ANKRD31: variants seen among roughly 807,000 people sequenced by gnomAD.
The protein encoded by ANKRD31 is ankyrin repeat domain-containing protein 31.
In ANKRD31, 147 loss-of-function variants were observed where a neutral mutation model predicts 186.0. That is an observed-to-expected ratio of 0.79 (90% CI 0.69 to 0.91). The LOEUF is 0.91. Ranked by LOEUF, ANKRD31 falls within the 40% of genes least tolerant of loss-of-function variation. ANKRD31 has a pLI of 0.00. For synonymous variants in ANKRD31, 673 were observed against 736.4 expected, an observed-to-expected ratio of 0.91 and a Z score of 1.39; for missense variants, 1,986 against 2,148.8, an observed-to-expected ratio of 0.92 and a Z score of 1.50.
intron 3 of ANKRD31, among the ~76,000 whole-genome samples, chr5:75,221,002 A>G (rs1757267515): frequency 6.6e-6 from 1 of 152,218 alleles, no homozygotes; most frequent in Non-Finnish European, 1.5e-5. Flanking sequence ...ATAAAAAAGA[A>G]TGAGATCATG....
In ANKRD31 at chr5:75,195,987, C is replaced by G. The variant is rs1471067759; in HGVS notation, c.661G>C (p.Val221Leu). ...KDEESSLETF[V>L]SALESLLTSP... ...GTAAGTAAACTTTCTAAGGCAGACA[C>G]AAAGGTTTCAAGAGAGCTTTCTTCA... The change falls in exon 7 of 26, where the codon GTG becomes CTG. Residue 221 changes from valine (V) to leucine (L), a missense_variant. Val to Leu is a conservative substitution (Grantham distance 32, BLOSUM62 1). Transcript: ENST00000506364. 6.5e-7 allele frequency: 1 copy of G among 1,531,600 alleles called. No homozygotes were observed. Among genetic ancestry groups the G allele is most frequent in the Non-Finnish European group, 8.7e-7 (1 of 1,144,614 alleles). 94.9% of individuals were successfully genotyped at this position (1,531,600 alleles called of 1,614,324 possible).
At chr5:75,075,838 C>G (rs1744592187) in intron 25 of ANKRD31, among the ~76,000 whole-genome samples, 2 of 152,092 alleles carry the variant, frequency 1.3e-5, no homozygotes, top group African/African-American at 4.8e-5. Flanking sequence ...GTAAAATGTT[C>G]AATATCATTT....
At chr5:75,177,499 A>C (rs561637914) in intron 10 of ANKRD31, among the ~76,000 whole-genome samples, 13 of 152,282 alleles carry the variant, frequency 8.5e-5, no homozygotes, top group South Asian at 8.3e-4. Flanking sequence ...TCGAGTTACC[A>C]ACAAAGGGAA....
chr5:75,084,189 A>C, intron 24 of ANKRD31, 83 bp downstream of exon 24: 1 of 1,020,712 alleles, frequency 9.8e-7, no homozygotes, highest in Non-Finnish European at 1.4e-6. Context: ...AATGAGAAAA[A>C]AGACAAAATA....
At chr5:75,084,462 G>T in intron 23 of ANKRD31, 88 bp from the exon 24 acceptor site, 1 of 1,048,336 alleles carries the variant, frequency 9.5e-7, no homozygotes, top group Non-Finnish European at 1.4e-6. Flanking sequence ...ATTTTTATAA[G>T]GTTTTGATTG....
intron 1 of ANKRD31, among the ~76,000 whole-genome samples, chr5:75,232,657 G>C (rs1031139239): frequency 3.9e-5 from 6 of 152,036 alleles, no homozygotes; most frequent in Non-Finnish European, 8.8e-5. Context: ...TGTGATAGTA[G>C]TTACACAATT....
chr5:75,120,729 G>A (rs1213285276), intron 17 of ANKRD31, among the ~76,000 whole-genome samples: 1 of 152,096 alleles, frequency 6.6e-6, no homozygotes, highest in Non-Finnish European at 1.5e-5. Context: ...AAAACAACTA[G>A]TGATAACAAC....
intron 22 of ANKRD31, among the ~76,000 whole-genome samples, chr5:75,096,405 G>A (rs1746320709): frequency 6.6e-6 from 1 of 152,012 alleles, no homozygotes. Context: ...TGTAGATTCT[G>A]GATTAGACCT....
chr5:75,220,206 C>T (rs1022596289), intron 3 of ANKRD31, among the ~76,000 whole-genome samples: 3 of 152,102 alleles, frequency 2.0e-5, no homozygotes, highest in Non-Finnish European at 2.9e-5. Flanking sequence ...AACAGGCAAC[C>T]TACAGAATGG....
chr5:75,187,110 T>TTGTGTGTGTGTGTGTGTGTG lies in ANKRD31; in HGVS notation c.1564+1363_1564+1382dup, dbSNP rs57013241. ...AACAAACATTGCCGGTGATTCTGTT[T>TTGTGTGTGTGTGTGTGTGTG]TGTGTGTGTGTGTGTGTGTGTGTGT... is the stretch of plus-strand genomic sequence containing the variant. On this transcript the variant is annotated intron_variant, in intron 10 of 25. Coordinates refer to ENST00000506364, the MANE Select transcript of ANKRD31 (RefSeq NM_001372053.1). 2.0e-4 allele frequency among the ~76,000 whole-genome samples: 23 copies of TTGTGTGTGTGTGTGTGTGTG among 116,252 alleles called. No individual in the cohort carries two copies. In the South Asian group the frequency reaches 4.1e-3, roughly 21 times the overall value. The allele number at this position is 116,252 out of a possible 152,430, so 76.3% of individuals were successfully genotyped here.
At chr5:75,095,816 G>GA (rs201510785) in intron 22 of ANKRD31, among the ~76,000 whole-genome samples, 169 of 151,868 alleles carry the variant, frequency 1.1e-3, no homozygotes, top group African/African-American at 4.0e-3. Flanking sequence ...TGTATATATA[G>GA]AAAAAAAACA....
intron 22 of ANKRD31, among the ~76,000 whole-genome samples, chr5:75,102,745 A>G (rs553585648): frequency 2.0e-5 from 3 of 152,264 alleles, no homozygotes; most frequent in African/African-American, 7.2e-5. Flanking sequence ...TGCAGGATAT[A>G]ATCTCCTGGT....
chr5:75,087,892 C>A (rs1745622300), intron 23 of ANKRD31, among the ~76,000 whole-genome samples: 1 of 152,164 alleles, frequency 6.6e-6, no homozygotes, highest in Non-Finnish European at 1.5e-5. Flanking sequence ...CCAACCTCCC[C>A]ATTCCAGACT....
In ANKRD31 at chr5:75,104,442, T is replaced by A; in HGVS notation, c.5117A>T (p.His1706Leu). 6.5e-7 allele frequency: 1 copy of A among 1,537,252 alleles called. No homozygotes were observed. The highest frequency in any genetic ancestry group is 8.7e-7 in the Non-Finnish European group (1 of 1,146,900). Residue 1706 changes from histidine to leucine, a missense_variant, in exon 22 of 26, where the codon CAT becomes CTT. Coordinates refer to ENST00000506364, the MANE Select transcript of ANKRD31 (RefSeq NM_001372053.1). Reference sequence around the variant, plus strand: ...TTTTTTAAGATATGGTTTCATCTGATGCACTGTATCACTGCCTAAGACAGC... The same window carrying A: ...TTTTTTAAGATATGGTTTCATCTGAAGCACTGTATCACTGCCTAAGACAGC... The part of the protein sequence containing the change: ...GIAVLGSDTV[H>L]QMKPYLKKSV...
intron 1 of ANKRD31, among the ~76,000 whole-genome samples, chr5:75,235,452 C>T (rs954684546): frequency 6.6e-6 from 1 of 151,936 alleles, no homozygotes; most frequent in African/African-American, 2.4e-5. Flanking sequence ...TAATAACAAC[C>T]CATTTATTGA....
intron 17 of ANKRD31, among the ~76,000 whole-genome samples, chr5:75,134,027 G>T (rs878923514): frequency 1.3e-5 from 2 of 151,946 alleles, no homozygotes; most frequent in Admixed American, 6.6e-5. Flanking sequence ...TGTGTAGAGG[G>T]AAATTTATAG....
intron 22 of ANKRD31, among the ~76,000 whole-genome samples, chr5:75,092,914 T>G (rs977379716): frequency 6.6e-5 from 10 of 151,860 alleles, no homozygotes; most frequent in Non-Finnish European, 1.5e-4. Flanking sequence ...AAAGAAAAAT[T>G]TATTTAAAAA....
intron 17 of ANKRD31, among the ~76,000 whole-genome samples, chr5:75,133,028 G>T (rs1750004433): frequency 6.6e-6 from 1 of 152,120 alleles, no homozygotes; most frequent in Admixed American, 6.6e-5. Context: ...AACATGCAAA[G>T]GAACAACCGG....
chr5:75,113,832 G>A (rs965020656), intron 19 of ANKRD31, among the ~76,000 whole-genome samples: 2 of 152,076 alleles, frequency 1.3e-5, no homozygotes, highest in Non-Finnish European at 2.9e-5. Flanking sequence ...AAGGTTTACC[G>A]CTTCATACAG....
Sources: gnomAD v4.1 joint callset for allele counts (sites outside exome capture counted in the v4.1 genomes callset) on GRCh38, gnomAD v4.1.1 for gene constraint, MANE v1.5 for transcripts, NCBI Gene and HGNC (gene_info 2026-07-23, HGNC 2026-07-21) for gene names.